WDR70: variants seen among roughly 807,000 people sequenced by gnomAD.
The protein encoded by WDR70 is WD repeat domain 70.
Under a neutral mutation model 88.6 loss-of-function variants are expected in WDR70, and 53 were observed. The ratio of observed to expected loss-of-function variants is 0.60; its 90% CI spans 0.48 to 0.75. The LOEUF is 0.75. Ranked by LOEUF, WDR70 falls within the 30% of genes least tolerant of loss-of-function variation. The pLI, the probability that WDR70 is intolerant of heterozygous loss-of-function variation, is 0.00. For synonymous variants in WDR70, 280 were observed against 270.0 expected (o/e 1.04, Z -0.36); for missense variants, 610 against 823.2 (o/e 0.74, Z 3.17).
At chr5:37,557,959 T>TTTGAAAACTCTTC in intron 9 of WDR70, among the ~76,000 whole-genome samples, 388 of 146,142 alleles carry the variant, frequency 2.7e-3, no homozygotes, top group East Asian at 3.5e-3. Context: ...AAAAGAGTAT[T>TTTGAAAACTCTTC]ATGTATATTT....
intron 8 of WDR70, among the ~76,000 whole-genome samples, chr5:37,507,866 TG>T (rs1422858080): frequency 2.6e-5 from 4 of 152,234 alleles, no homozygotes; most frequent in African/African-American, 4.8e-5. Flanking sequence ...TTTTGAATGT[TG>T]TTTTTTTATA....
intron 9 of WDR70, among the ~76,000 whole-genome samples, chr5:37,546,060 T>A (rs1156548632): frequency 1.3e-5 from 2 of 152,340 alleles, no homozygotes; most frequent in Admixed American, 1.3e-4. Flanking sequence ...AAAATATTAC[T>A]GGAGGAGTTA....
intron 10 of WDR70, among the ~76,000 whole-genome samples, chr5:37,644,817 T>C (rs541495339): frequency 6.6e-6 from 1 of 152,090 alleles, no homozygotes; most frequent in East Asian, 1.9e-4. Flanking sequence ...TTGGTTGTAA[T>C]AGCTCCTTTT....
intron 10 of WDR70, among the ~76,000 whole-genome samples, chr5:37,625,417 C>T (rs1020522969): frequency 1.3e-5 from 2 of 152,060 alleles, no homozygotes; most frequent in African/African-American, 2.4e-5. Context: ...ATTTGCACTT[C>T]CCTGATGGTT....
intron 7 of WDR70, among the ~76,000 whole-genome samples, chr5:37,462,554 G>A (rs1299377474): frequency 4.6e-5 from 7 of 152,224 alleles, no homozygotes; most frequent in African/African-American, 1.2e-4. Flanking sequence ...CGCCCGCCTC[G>A]GCCTCCCAAA....
intron 10 of WDR70, among the ~76,000 whole-genome samples, chr5:37,679,326 A>C (rs1300212751): frequency 6.6e-6 from 1 of 151,592 alleles, no homozygotes; most frequent in African/African-American, 2.4e-5. Flanking sequence ...TAGAGTTTCC[A>C]GTTTTTCTGC....
rs144731048 is a variant in WDR70 at position 37,640,024 on chromosome 5, A to G, written c.1092+34786A>G. Among the ~76,000 whole-genome samples, 80 of 152,290 alleles carry G rather than the reference A, an allele frequency of 5.3e-4. 1 individual carries two copies. The highest frequency in any genetic ancestry group is 4.1e-3 in the Admixed American group (62 of 15,302). On this transcript the variant is annotated intron_variant, in intron 10 of 17. Coordinates refer to ENST00000265107, the MANE Select transcript of WDR70 (RefSeq NM_018034.4). ...ACTTGCCTATTTTACAACTAGAAAT[A>G]TTACAGCCAAGAAACCCAGGTGTGT...
intron 13 of WDR70, among the ~76,000 whole-genome samples, chr5:37,717,684 A>G (rs1241735792): frequency 2.0e-5 from 3 of 152,198 alleles, no homozygotes; most frequent in South Asian, 4.1e-4. Context: ...ATGTTTGACA[A>G]GTTAGCAGCG....
At chr5:37,747,348 T>C (rs1235132719) in intron 17 of WDR70, among the ~76,000 whole-genome samples, 1 of 152,112 alleles carries the variant, frequency 6.6e-6, no homozygotes, top group Non-Finnish European at 1.5e-5. Flanking sequence ...GAATGATGAT[T>C]ATTAAAAAGT....
intron 8 of WDR70, among the ~76,000 whole-genome samples, chr5:37,482,897 A>C (rs1399121739): frequency 6.6e-6 from 1 of 152,006 alleles, no homozygotes; most frequent in Non-Finnish European, 1.5e-5. Flanking sequence ...AAGGAGAGAG[A>C]GAGCTGACAT....
intron 9 of WDR70, among the ~76,000 whole-genome samples, chr5:37,560,136 A>G (rs1056896228): frequency 2.0e-5 from 3 of 152,200 alleles, no homozygotes; most frequent in African/African-American, 7.2e-5. Flanking sequence ...AGAAAAGCGA[A>G]TAATTGTTTC....
At chr5:37,624,390 G>A (rs1744607543) in intron 10 of WDR70, among the ~76,000 whole-genome samples, 1 of 152,044 alleles carries the variant, frequency 6.6e-6, no homozygotes, top group Non-Finnish European at 1.5e-5. Flanking sequence ...TTTTATGACC[G>A]AGTAGTATTC....
At chr5:37,525,818 A>C (rs537711361) in intron 9 of WDR70, among the ~76,000 whole-genome samples, 1 of 152,376 alleles carries the variant, frequency 6.6e-6, no homozygotes, top group African/African-American at 2.4e-5. Flanking sequence ...CCGATCTCAC[A>C]GAAATACAAA....
chr5:37,562,156 G>A (rs1240972409), intron 9 of WDR70, among the ~76,000 whole-genome samples: 1 of 152,130 alleles, frequency 6.6e-6, no homozygotes, highest in African/African-American at 2.4e-5. Flanking sequence ...CCAGGTGTTC[G>A]AGACCAGCCT....
At chr5:37,380,854 G>C (rs540690733) in intron 2 of WDR70, among the ~76,000 whole-genome samples, 17 of 152,144 alleles carry the variant, frequency 1.1e-4, no homozygotes, top group Non-Finnish European at 5.9e-5. Flanking sequence ...TCACCATGTT[G>C]CCCAGGCTGA....
At chr5:37,452,081 T>G (rs1197740062) in intron 7 of WDR70, among the ~76,000 whole-genome samples, 1 of 152,170 alleles carries the variant, frequency 6.6e-6, no homozygotes, top group African/African-American at 2.4e-5. Flanking sequence ...TTCTCTTTAT[T>G]TTGTTGAATC....
At chr5:37,630,157 A>G (rs924242322) in intron 10 of WDR70, among the ~76,000 whole-genome samples, 2 of 152,170 alleles carry the variant, frequency 1.3e-5, no homozygotes, top group African/African-American at 4.8e-5. Flanking sequence ...GCATTTGTTC[A>G]TGCACACAGT....
At chr5:37,392,388 C>T (rs12659064) in intron 4 of WDR70, among the ~76,000 whole-genome samples, 105,961 of 151,612 alleles carry the variant, frequency 0.7, 40,309 homozygotes, top group East Asian at 0.88. Flanking sequence ...TTCACCATAT[C>T]GGCCAGGGTG....
chr5:37,568,698 G>T (rs1278854591), intron 9 of WDR70, among the ~76,000 whole-genome samples: 1 of 152,196 alleles, frequency 6.6e-6, no homozygotes, highest in Admixed American at 6.5e-5. Context: ...ATAGATGCCT[G>T]TGTAGGGTCA....
Sources: gnomAD v4.1 joint callset for allele counts (sites outside exome capture counted in the v4.1 genomes callset) on GRCh38, gnomAD v4.1.1 for gene constraint, MANE v1.5 for transcripts, NCBI Gene and HGNC (gene_info 2026-07-23, HGNC 2026-07-21) for gene names.